Variants in LRRC1 observed in about 807,000 individuals in gnomAD.
The protein encoded by LRRC1 is leucine-rich repeat-containing protein 1.
Under a neutral mutation model 69.9 loss-of-function variants are expected in LRRC1, and 28 were observed. The observed-to-expected ratio is 0.40, with a 90% confidence interval of 0.30 to 0.55. The LOEUF is 0.55. Ranked by LOEUF, LRRC1 falls within the 20% of genes least tolerant of loss-of-function variation. The pLI, the probability that LRRC1 is intolerant of heterozygous loss-of-function variation, is 0.47. For synonymous variants in LRRC1, 236 were observed against 240.2 expected, an observed-to-expected ratio of 0.98 and a Z score of 0.16; for missense variants, 498 against 609.0, an observed-to-expected ratio of 0.82 and a Z score of 1.92.
At chr6:53,851,773 G>T (rs928561949) in intron 2 of LRRC1, among the ~76,000 whole-genome samples, 1 of 152,078 alleles carries the variant, frequency 6.6e-6, no homozygotes, top group African/African-American at 2.4e-5. Context: ...ACTTCCTAGT[G>T]AGTAACATGT....
chr6:53,846,652 G>A (rs772220959), intron 2 of LRRC1, among the ~76,000 whole-genome samples: 1 of 152,200 alleles, frequency 6.6e-6, no homozygotes, highest in Non-Finnish European at 1.5e-5. Context: ...TGTTTCCCCT[G>A]AACATAGATT....
At chr6:53,811,577 G>A (rs1562025749) in intron 1 of LRRC1, among the ~76,000 whole-genome samples, 1 of 152,246 alleles carries the variant, frequency 6.6e-6, no homozygotes, top group East Asian at 1.9e-4. Context: ...AACCTCAGTT[G>A]TAACTTTTAA....
At chr6:53,846,577 C>G (rs900650997) in intron 2 of LRRC1, among the ~76,000 whole-genome samples, 34 of 152,138 alleles carry the variant, frequency 2.2e-4, no homozygotes, top group African/African-American at 8.2e-4. Context: ...CTTGTCTTAA[C>G]TTGGTGGATT....
chr6:53,895,670 G>A (rs1381009858), intron 4 of LRRC1, among the ~76,000 whole-genome samples: 1 of 152,200 alleles, frequency 6.6e-6, no homozygotes, highest in Admixed American at 6.5e-5. Flanking sequence ...TGTTTTGCCA[G>A]TGCTGACATA....
intron 12 of LRRC1, 138 bp from the exon 13 acceptor site, chr6:53,920,487 C>T (rs1768703772): frequency 2.5e-6 from 2 of 810,408 alleles, no homozygotes; most frequent in Non-Finnish European, 3.7e-6. Flanking sequence ...GCCAAACTTG[C>T]AACAGAACAC....
intron 10 of LRRC1, among the ~76,000 whole-genome samples, chr6:53,909,277 T>G (rs1217320148): frequency 3.3e-5 from 5 of 151,416 alleles, no homozygotes; most frequent in African/African-American, 1.2e-4. Context: ...AAACTAAGAC[T>G]GAGAGAGGTT....
intron 1 of LRRC1, among the ~76,000 whole-genome samples, chr6:53,812,416 C>T (rs1307121097): frequency 2.0e-5 from 3 of 151,970 alleles, no homozygotes; most frequent in Admixed American, 6.5e-5. Context: ...AGAGGCCGGG[C>T]GCGGTGGCTC....
rs1277171979 is a variant in LRRC1, at chr6:53,919,399, G to T, written c.1107-99G>T. ...TACATTTTGAAACCAATCTCAGGAA[G>T]CTCCTTTTAATTTTTCCTCATTTTG... On this transcript the variant is annotated intron_variant, in intron 11 of 13. Coordinates refer to ENST00000370888, the MANE Select transcript of LRRC1 (RefSeq NM_018214.5). The T allele has an allele frequency of 3.1e-6, 3 of 976,662 alleles. No individual in the cohort carries two copies. In the African/African-American group the frequency reaches 5.1e-5, roughly 17 times the overall value. 60.5% of individuals were successfully genotyped at this position (976,662 alleles called of 1,614,324 possible).
At chr6:53,919,330 A>G (rs529350395) in intron 11 of LRRC1, 168 bp from the exon 12 acceptor site, 29 of 408,498 alleles carry the variant, frequency 7.1e-5, no homozygotes, top group Non-Finnish European at 1.1e-4. Flanking sequence ...TGAGGAATCC[A>G]CTTGCAAAGA....
chr6:53,885,372 A>G (rs1315533972), intron 4 of LRRC1, among the ~76,000 whole-genome samples: 1 of 152,232 alleles, frequency 6.6e-6, no homozygotes, highest in Non-Finnish European at 1.5e-5. Context: ...CATTTAGCAC[A>G]TTTAGTTAAC....
chr6:53,797,518 C>T (rs1049200709), intron 1 of LRRC1, among the ~76,000 whole-genome samples: 2 of 152,080 alleles, frequency 1.3e-5, no homozygotes, highest in Admixed American at 6.5e-5. Context: ...AACTTATTAC[C>T]ACTGGTCTCT....
At chr6:53,863,117 T>TAA (rs935176909) in intron 2 of LRRC1, among the ~76,000 whole-genome samples, 1 of 152,240 alleles carries the variant, frequency 6.6e-6, no homozygotes, top group Non-Finnish European at 1.5e-5. Flanking sequence ...CATCTCTTTT[T>TAA]ACATGCTTGT....
rs576166548 is a variant in LRRC1 at position 53,809,842 on chromosome 6, AG to A, written c.159+14429del. 7.6e-4 allele frequency among the ~76,000 whole-genome samples: 115 copies of A among 152,266 alleles called. 1 individual carries two copies. Among genetic ancestry groups the A allele is most frequent in the African/African-American group, 2.6e-3 (107 of 41,550 alleles). On this transcript the variant is annotated intron_variant, in intron 1 of 13. Coordinates refer to ENST00000370888, the MANE Select transcript of LRRC1 (RefSeq NM_018214.5). ...CAACCTAAAATGCCTTTAATGAAAC[AG>A]GTATTTAGTTATCTCACACATCAGG...
intron 11 of LRRC1, among the ~76,000 whole-genome samples, chr6:53,917,832 C>T (rs1768615808): frequency 6.6e-6 from 1 of 152,230 alleles, no homozygotes; most frequent in Admixed American, 6.5e-5. Flanking sequence ...GTACTTGAAG[C>T]TTTAACAGTG....
chr6:53,831,741 G>A (rs1765433686), intron 1 of LRRC1, among the ~76,000 whole-genome samples: 1 of 152,114 alleles, frequency 6.6e-6, no homozygotes, highest in Non-Finnish European at 1.5e-5. Flanking sequence ...TTGAGTGATT[G>A]TAATCTGTCA....
intron 10 of LRRC1, among the ~76,000 whole-genome samples, chr6:53,909,250 A>G (rs1437334904): frequency 5.3e-5 from 8 of 152,072 alleles, no homozygotes; most frequent in Admixed American, 3.9e-4. Flanking sequence ...ACCATTTTCA[A>G]TGTCCAACAG....
At chr6:53,858,388 G>A (rs1013090341) in intron 2 of LRRC1, among the ~76,000 whole-genome samples, 1 of 152,130 alleles carries the variant, frequency 6.6e-6, no homozygotes, top group Non-Finnish European at 1.5e-5. Context: ...GTGGAGGGTT[G>A]CCAATGTTGG....
At chr6:53,854,016 A>G (rs2127420530) in intron 2 of LRRC1, among the ~76,000 whole-genome samples, 1 of 152,304 alleles carries the variant, frequency 6.6e-6, no homozygotes, top group East Asian at 1.9e-4. Context: ...ATTAGCATTC[A>G]CATTGGTCAC....
intron 4 of LRRC1, among the ~76,000 whole-genome samples, chr6:53,893,560 C>T (rs971450940): frequency 6.6e-6 from 1 of 151,984 alleles, no homozygotes; most frequent in Non-Finnish European, 1.5e-5. Context: ...TTATGAGTGC[C>T]GACCATTTGC....
Sources: allele counts gnomAD v4.1 joint callset (sites outside exome capture counted in the v4.1 genomes callset), GRCh38; gene constraint gnomAD v4.1.1; transcripts MANE v1.5; gene names NCBI Gene and HGNC (gene_info 2026-07-23, HGNC 2026-07-21).